TPST1: variants seen among roughly 807,000 people sequenced by gnomAD.
TPST1 encodes the protein protein-tyrosine sulfotransferase 1.
A neutral mutation model predicts 34.8 loss-of-function variants in TPST1; 20 were observed. The observed-to-expected ratio is 0.57, with a 90% CI of 0.40 to 0.84. The LOEUF (loss-of-function observed/expected upper bound fraction) is 0.84, where lower values mean the gene tolerates loss of function less well. Ranked by LOEUF, TPST1 falls within the 40% of genes least tolerant of loss-of-function variation. The pLI is 0.00. For missense variants in TPST1, 353 were observed against 455.5 expected (o/e 0.78, Z 2.05); for synonymous variants, 152 against 159.4 (o/e 0.95, Z 0.35).
rs183663108 is a variant in TPST1 at position 66,279,210 on chromosome 7, C to T, written c.846-7301C>T. Reference sequence around the variant, plus strand: ...TTGGTTTTCTGTTCATGTATTAATTCGCTTAGGATAATGGCCTCCAACTCC... The same window carrying T: ...TTGGTTTTCTGTTCATGTATTAATTTGCTTAGGATAATGGCCTCCAACTCC... On this transcript the variant is annotated intron_variant, in intron 2 of 5. Coordinates refer to ENST00000304842, the MANE Select transcript of TPST1 (RefSeq NM_003596.4). Among the ~76,000 whole-genome samples the T allele has an allele frequency of 8.0e-4, 122 of 152,212 alleles. 1 individual carries two copies. The South Asian group carries it at 0.013, about 16-fold the overall frequency.
intron 3 of TPST1, among the ~76,000 whole-genome samples, chr7:66,331,529 A>G (rs1158438627): frequency 6.6e-6 from 1 of 152,238 alleles, no homozygotes; most frequent in Non-Finnish European, 1.5e-5. Context: ...AATTTGGAGT[A>G]GAATCACTTC....
intron 3 of TPST1, among the ~76,000 whole-genome samples, chr7:66,307,432 T>C (rs528811553): frequency 6.6e-6 from 1 of 152,334 alleles, no homozygotes; most frequent in African/African-American, 2.4e-5. Context: ...TCATTCACTT[T>C]AAAATGAAGT....
upstream of TPST1, among the ~76,000 whole-genome samples, chr7:66,203,486 CTT>C (rs373614847): frequency 1.9e-4 from 25 of 134,514 alleles, no homozygotes; most frequent in African/African-American, 1.9e-4. Flanking sequence ...ACAAAAACTT[CTT>C]TTTTTTTTTT....
At chr7:66,224,770 G>T (rs575425961) in intron 1 of TPST1, among the ~76,000 whole-genome samples, 3 of 152,124 alleles carry the variant, frequency 2.0e-5, no homozygotes, top group Non-Finnish European at 4.4e-5. Context: ...TTATTTCTAG[G>T]AGTCTATTTC....
At chr7:66,272,474 A>G (rs999608111) in intron 2 of TPST1, among the ~76,000 whole-genome samples, 1 of 152,212 alleles carries the variant, frequency 6.6e-6, no homozygotes, top group African/African-American at 2.4e-5. Context: ...AGGTATGTCA[A>G]CACAATAAAG....
At chr7:66,343,009 C>G (rs1306114978) in intron 3 of TPST1, among the ~76,000 whole-genome samples, 1 of 152,102 alleles carries the variant, frequency 6.6e-6, no homozygotes, top group Non-Finnish European at 1.5e-5. Flanking sequence ...AGAAGGGAAC[C>G]TGAGAAGCAC....
chr7:66,222,010 A>G (rs190002478), intron 1 of TPST1, among the ~76,000 whole-genome samples: 4 of 152,092 alleles, frequency 2.6e-5, no homozygotes, highest in East Asian at 3.9e-4. Flanking sequence ...TTTGTTGACT[A>G]TTTGCTTTAT....
chr7:66,307,926 C>T (rs1791455866), intron 3 of TPST1, among the ~76,000 whole-genome samples: 1 of 152,196 alleles, frequency 6.6e-6, no homozygotes. Context: ...ACACAAATAC[C>T]CTCACACTTT....
upstream of TPST1, chr7:66,205,149 A>T (rs1006209600): frequency 6.6e-6 from 1 of 151,304 alleles, no homozygotes; most frequent in Non-Finnish European, 1.5e-5. This position sits in a 1 kb window ranked among gnomAD's most constrained non-coding sequence, Gnocchi z 5.0. Flanking sequence ...GCGACGTCAG[A>T]CCCCCGCCCC....
intron 1 of TPST1, among the ~76,000 whole-genome samples, chr7:66,220,903 TG>T (rs1308670615): frequency 1.3e-5 from 2 of 152,096 alleles, no homozygotes; most frequent in African/African-American, 4.8e-5. Flanking sequence ...GAGGCCAAGG[TG>T]GGTAGATCAC....
intron 3 of TPST1, 99 bp downstream of exon 3, chr7:66,286,808 G>A (rs1791045460): frequency 4.2e-6 from 2 of 472,212 alleles, no homozygotes; most frequent in South Asian, 1.9e-4. Context: ...TTAATGATCA[G>A]AAAAATATAT....
At chr7:66,310,432 T>C (rs1791506588) in intron 3 of TPST1, among the ~76,000 whole-genome samples, 3 of 152,194 alleles carry the variant, frequency 2.0e-5, no homozygotes, top group South Asian at 4.1e-4. Context: ...ATCCACCTCA[T>C]GTCTGGACTT....
chr7:66,224,043 C>G (rs1206095436), intron 1 of TPST1, among the ~76,000 whole-genome samples: 1 of 152,130 alleles, frequency 6.6e-6, no homozygotes. Flanking sequence ...CAAAGATTGT[C>G]AGCTGTGTAT....
intron 2 of TPST1, among the ~76,000 whole-genome samples, chr7:66,280,445 A>G (rs1790909864): frequency 6.6e-6 from 1 of 152,202 alleles, no homozygotes; most frequent in African/African-American, 2.4e-5. Flanking sequence ...GTGTATGGAA[A>G]TGCTATTTTT....
chr7:66,287,734 A>T (rs1695344341), intron 3 of TPST1, among the ~76,000 whole-genome samples: 1 of 69,824 alleles, frequency 1.4e-5, no homozygotes, highest in Non-Finnish European at 2.7e-5. Flanking sequence ...GTTTGAGTTC[A>T]TTGTAGATTC....
chr7:66,220,157 A>G (rs1055896893), intron 1 of TPST1, among the ~76,000 whole-genome samples: 2 of 152,226 alleles, frequency 1.3e-5, no homozygotes, highest in Non-Finnish European at 1.5e-5. Context: ...CTAGGAAAGC[A>G]TTAGCTGTCT....
chr7:66,354,213 T>C (rs118055561), intron 4 of TPST1, among the ~76,000 whole-genome samples: 3,809 of 152,214 alleles, frequency 0.025, 84 homozygotes, highest in Middle Eastern at 0.075. Context: ...AGGCTGGGCA[T>C]GATGTCCCAG....
chr7:66,314,286 A>G (rs1584232410), intron 3 of TPST1, among the ~76,000 whole-genome samples: 1 of 152,218 alleles, frequency 6.6e-6, no homozygotes, highest in Non-Finnish European at 1.5e-5. Flanking sequence ...TATGATCCCA[A>G]CACTTTGGGA....
intron 1 of TPST1, among the ~76,000 whole-genome samples, chr7:66,224,932 T>G (rs952179309): frequency 1.8e-5 from 2 of 108,336 alleles, no homozygotes; most frequent in Non-Finnish European, 1.9e-5. Context: ...TTTTTTTTTT[T>G]GTGAGATGGA....
Sources: allele counts gnomAD v4.1 joint callset (sites outside exome capture counted in the v4.1 genomes callset), GRCh38; gene constraint gnomAD v4.1.1; non-coding constraint Gnocchi (gnomAD v3.1); transcripts MANE v1.5; gene names NCBI Gene and HGNC (gene_info 2026-07-23, HGNC 2026-07-21).